RYK: variants seen among roughly 807,000 people sequenced by gnomAD.
RYK encodes inactive tyrosine-protein kinase RYK.
RYK carries 21 observed loss-of-function variants against 70.2 expected under a neutral mutation model. That is an observed-to-expected ratio of 0.30 (90% CI 0.21 to 0.43). The LOEUF is 0.43. Ranked by LOEUF, RYK falls within the 20% of genes least tolerant of loss-of-function variation. RYK has a pLI of 1.00. For missense variants in RYK, 604 were observed against 753.3 expected, an observed-to-expected ratio of 0.80 and a Z score of 2.32; for synonymous variants, 267 against 278.0, an observed-to-expected ratio of 0.96 and a Z score of 0.39.
At chr3:134,201,370 A>C (rs1054717794) in intron 6 of RYK, among the ~76,000 whole-genome samples, 1 of 152,230 alleles carries the variant, frequency 6.6e-6, no homozygotes, top group Non-Finnish European at 1.5e-5. Flanking sequence ...TTACGCCACA[A>C]ATATGCTTCC....
chr3:134,245,197 A>G (rs935954444), intron 1 of RYK, among the ~76,000 whole-genome samples: 5 of 152,226 alleles, frequency 3.3e-5, no homozygotes, highest in African/African-American at 1.2e-4. Context: ...AGCACTTTTA[A>G]AAGTGTCAAC....
chr3:134,176,184 A>G, intron 11 of RYK, 145 bp from the exon 12 acceptor site: 1 of 628,380 alleles, frequency 1.6e-6, no homozygotes, highest in Non-Finnish European at 2.8e-6. Context: ...TTTCTTGACC[A>G]AGACTATGTT....
intron 1 of RYK, among the ~76,000 whole-genome samples, chr3:134,228,854 C>T (rs1190617052): frequency 2.6e-5 from 4 of 152,052 alleles, no homozygotes; most frequent in Non-Finnish European, 5.9e-5. Flanking sequence ...AGAAGAGAGG[C>T]TTTTCAAGGT....
In RYK at chr3:134,222,253, G is replaced by T. The variant is rs145249103; in HGVS notation, c.354+165C>A. 1.3e-3 allele frequency among the ~76,000 whole-genome samples: 202 copies of T among 152,276 alleles called. No individual in the cohort carries two copies. In the East Asian group the frequency reaches 0.015, roughly 11 times the overall value. On this transcript the variant is annotated intron_variant, in intron 2 of 14. Coordinates refer to ENST00000623711, the MANE Select transcript of RYK (RefSeq NM_002958.4). ...TTAAAGGATTCAAGAAATTTTAGAG[G>T]AATAGGCCAAATATTTGAAATATAA... is the stretch of plus-strand genomic sequence containing the variant.
intron 10 of RYK, chr3:134,180,892 C>A (rs965542536): frequency 1.3e-5 from 2 of 152,166 alleles, no homozygotes; most frequent in Non-Finnish European, 2.9e-5. Context: ...TATCAAATAA[C>A]CCCAATTTAG....
At chr3:134,206,539 G>A (rs1035303682) in intron 5 of RYK, among the ~76,000 whole-genome samples, 7 of 152,072 alleles carry the variant, frequency 4.6e-5, no homozygotes, top group Admixed American at 6.6e-5. Context: ...AAAGACAATC[G>A]GGTTAATTTG....
Position 134,202,872 on chromosome 3 carries a change from C to A in RYK, c.646G>T (p.Asp216Tyr). 6.2e-7 allele frequency: 1 copy of A among 1,609,552 alleles called. No individual in the cohort carries two copies. The highest frequency in any genetic ancestry group is 8.5e-7 in the Non-Finnish European group (1 of 1,178,706). ...GTGGTTGGAGCTGCATGTACAGGATCATCTGAAATAAAAACAAAAAGCACA... is the reference window on the plus strand; with the variant it reads ...GTGGTTGGAGCTGCATGTACAGGATAATCTGAAATAAAAACAAAAAGCACA... ...LDKNTSRTIY[D>Y]PVHAAPTTST... The change falls in exon 6 of 15, where the codon GAT (aspartate) becomes TAT (tyrosine). Residue 216 changes from aspartate (D) to tyrosine (Y), a missense_variant and splice_region_variant. Coordinates refer to ENST00000623711, the MANE Select transcript of RYK (RefSeq NM_002958.4).
chr3:134,170,454 G>C (rs1470340106), intron 13 of RYK: 1 of 152,236 alleles, frequency 6.6e-6, no homozygotes, highest in South Asian at 2.1e-4. Context: ...GTCATGCCCT[G>C]TGCTGCCCAG....
intron 14 of RYK, among the ~76,000 whole-genome samples, chr3:134,158,714 T>C (rs1392260114): frequency 6.6e-6 from 1 of 152,146 alleles, no homozygotes; most frequent in African/African-American, 2.4e-5. Context: ...ATCTGTACGA[T>C]CAATCACCCT....
At chr3:134,245,790 G>C (rs191196609) in intron 1 of RYK, among the ~76,000 whole-genome samples, 101 of 152,210 alleles carry the variant, frequency 6.6e-4, no homozygotes, top group African/African-American at 2.2e-3. Context: ...TTTCTTCATT[G>C]TGAACACTGG....
chr3:134,242,892 T>C (rs2015363628), intron 1 of RYK, among the ~76,000 whole-genome samples: 1 of 152,168 alleles, frequency 6.6e-6, no homozygotes, highest in Non-Finnish European at 1.5e-5. Context: ...AATTGCACAA[T>C]GTCTCTGCCT....
At chr3:134,230,989 T>C (rs947650650) in intron 1 of RYK, among the ~76,000 whole-genome samples, 2 of 152,152 alleles carry the variant, frequency 1.3e-5, no homozygotes, top group African/African-American at 4.8e-5. Context: ...CTTCCATATT[T>C]AAACTTCAAA....
chr3:134,216,891 G>A (rs1576525823), intron 2 of RYK, among the ~76,000 whole-genome samples: 1 of 140,070 alleles, frequency 7.1e-6, no homozygotes, highest in Non-Finnish European at 1.5e-5. Flanking sequence ...GAATACAGAA[G>A]AAACTATCTG....
intron 6 of RYK, among the ~76,000 whole-genome samples, chr3:134,197,061 C>T (rs74709518): frequency 3.6e-3 from 554 of 152,202 alleles, no homozygotes; most frequent in Non-Finnish European, 6.3e-3. Flanking sequence ...ATGACAAAAA[C>T]TGCAATTACT....
chr3:134,171,386 G>A (rs187582763), intron 13 of RYK, among the ~76,000 whole-genome samples: 34 of 152,258 alleles, frequency 2.2e-4, no homozygotes, highest in African/African-American at 7.7e-4. Flanking sequence ...GAGACTCAAC[G>A]CTCTTGGAGC....
At chr3:134,192,499 C>T (rs1164913985) in intron 7 of RYK, among the ~76,000 whole-genome samples, 13 of 149,266 alleles carry the variant, frequency 8.7e-5, no homozygotes, top group Non-Finnish European at 1.2e-4. Context: ...AAACAAAATA[C>T]ATAATCAATG....
At chr3:134,205,261 G>A (rs1303721652) in intron 5 of RYK, among the ~76,000 whole-genome samples, 1 of 151,972 alleles carries the variant, frequency 6.6e-6, no homozygotes, top group Non-Finnish European at 1.5e-5. Flanking sequence ...GGAGTTCTGG[G>A]GATAGGTCAG....
rs2012319986 is a variant in RYK, at chr3:134,158,274, G to A, written c.1713-10C>T. On this transcript the variant is annotated splice_polypyrimidine_tract_variant and intron_variant, in intron 14 of 14. Coordinates refer to ENST00000623711, the MANE Select transcript of RYK (RefSeq NM_002958.4). Reference sequence around the variant, plus strand: ...GGCCATCACAGCAAATCTGCAGAGTGACAAAAATGAAAATTTGGGCTAGTA... The same window carrying A: ...GGCCATCACAGCAAATCTGCAGAGTAACAAAAATGAAAATTTGGGCTAGTA... 3.3e-6 allele frequency: 5 copies of A among 1,524,788 alleles called. No homozygotes were observed. The Admixed American group carries it at 8.2e-5, about 25-fold the overall frequency. 94.5% of individuals were successfully genotyped at this position (1,524,788 alleles called of 1,614,324 possible). A position where few individuals can be genotyped will look rare whatever the true frequency, so the allele number is the denominator to read the frequency against.
chr3:134,229,137 A>G (rs76489877), intron 1 of RYK, among the ~76,000 whole-genome samples: 2,902 of 152,294 alleles, frequency 0.019, 95 homozygotes, highest in African/African-American at 0.066. Flanking sequence ...GTAAAAGCCA[A>G]AACTATAAAG....
Sources: allele counts gnomAD v4.1 joint callset (sites outside exome capture counted in the v4.1 genomes callset), GRCh38; gene constraint gnomAD v4.1.1; transcripts MANE v1.5; gene names NCBI Gene and HGNC (gene_info 2026-07-23, HGNC 2026-07-21).